KNTC1: variants seen among roughly 807,000 people sequenced by gnomAD.
KNTC1 encodes the protein kinetochore-associated protein 1.
Under a neutral mutation model 314.4 loss-of-function variants are expected in KNTC1, and 253 were observed. The ratio of observed to expected loss-of-function variants is 0.80; its 90% CI spans 0.73 to 0.89. KNTC1 has a LOEUF of 0.89. Ranked by LOEUF, KNTC1 falls within the 40% of genes least tolerant of loss-of-function variation. The pLI, the probability that KNTC1 is intolerant of heterozygous loss-of-function variation, is 0.00. For missense variants in KNTC1, 2,475 were observed against 2,572.9 expected (o/e 0.96, Z 0.82); for synonymous variants, 901 against 901.4 (o/e 1.00, Z 0.01).
At chr12:122,602,932 A>C (rs936899953) in intron 47 of KNTC1, 45 bp downstream of exon 47, 3 of 1,550,126 alleles carry the variant, frequency 1.9e-6, no homozygotes, top group African/African-American at 1.4e-5. Context: ...TCCTGCAATT[A>C]ATTCTGACCC....
Position 122,622,499 on chromosome 12 carries a change from A to T in KNTC1, c.6407A>T (p.Lys2136Met). Residue 2136 changes from lysine to methionine, a missense_variant, in exon 62 of 64, where the codon AAG becomes ATG. Physicochemically the swap from Lys to Met is moderately conservative, Grantham distance 95. Coordinates refer to ENST00000333479, the MANE Select transcript of KNTC1 (RefSeq NM_014708.6). Reference protein sequence around the residue: ...SLILNNIINKKEFGILAKTKY... With the variant: ...SLILNNIINKMEFGILAKTKY... ...ATTTTGAATAATATCATCAATAAGA[A>T]GGAGTTTGGGATTTTGGCAAAGACC... is the stretch of plus-strand genomic sequence containing the variant. The T allele has an allele frequency of 6.3e-7, 1 of 1,583,560 alleles. No homozygotes were observed. The highest frequency in any genetic ancestry group is 8.6e-7 in the Non-Finnish European group (1 of 1,162,668).
intron 3 of KNTC1, among the ~76,000 whole-genome samples, chr12:122,536,521 CTT>C (rs77728043): frequency 1.0e-4 from 14 of 140,436 alleles, no homozygotes; most frequent in Middle Eastern, 3.8e-3. Flanking sequence ...CGTGCCAGGC[CTT>C]TTTTTTTTTT....
chr12:122,577,356 T>C (rs564695730), intron 30 of KNTC1, among the ~76,000 whole-genome samples: 1 of 152,282 alleles, frequency 6.6e-6, no homozygotes, highest in South Asian at 2.1e-4. Context: ...TATTTTATTG[T>C]TTGCTGTCAT....
chr12:122,614,454 T>A (rs1873541027), intron 55 of KNTC1, among the ~76,000 whole-genome samples: 1 of 152,078 alleles, frequency 6.6e-6, no homozygotes, highest in Admixed American at 6.6e-5. Flanking sequence ...ACAGGCAAAC[T>A]TTTTCAATAG....
At chr12:122,565,929 A>G (rs888962631) in intron 20 of KNTC1, among the ~76,000 whole-genome samples, 1 of 150,894 alleles carries the variant, frequency 6.6e-6, no homozygotes, top group African/African-American at 2.4e-5. Context: ...TTTCATTTTT[A>G]GAGTTTCTTT....
At chr12:122,616,898 A>C (rs569622037) in intron 57 of KNTC1, among the ~76,000 whole-genome samples, 1 of 150,994 alleles carries the variant, frequency 6.6e-6, no homozygotes, top group African/African-American at 2.4e-5. Flanking sequence ...CCCATTCCCC[A>C]CTCCCTCCAG....
In KNTC1 at chr12:122,595,759, A is replaced by G. The variant is rs535102189; in HGVS notation, c.4355+1374A>G. Among the ~76,000 whole-genome samples the G allele has an allele frequency of 2.9e-4, 44 of 152,376 alleles. No individual in the cohort carries two copies. In the South Asian group the frequency reaches 7.9e-3, roughly 27 times the overall value. On this transcript the variant is annotated intron_variant, in intron 43 of 63. Coordinates refer to ENST00000333479, the MANE Select transcript of KNTC1 (RefSeq NM_014708.6). The stretch of plus-strand genomic sequence containing the variant: ...TTTTTTATTAATTTGAACTACTGCT[A>G]GATTCTTCTGTGATGTTTTATGGTG...
chr12:122,570,593 ATAAC>A (rs950500446), intron 22 of KNTC1, among the ~76,000 whole-genome samples: 1 of 152,074 alleles, frequency 6.6e-6, no homozygotes, highest in Non-Finnish European at 1.5e-5. Context: ...ATATTTAAAA[ATAAC>A]TAAAAGAGTG....
At chr12:122,568,570 C>T (rs938773651) in intron 21 of KNTC1, among the ~76,000 whole-genome samples, 198 bp downstream of exon 21, 5 of 152,252 alleles carry the variant, frequency 3.3e-5, no homozygotes, top group African/African-American at 1.2e-4. Context: ...GGCGCGATGG[C>T]TCACGCCTAT....
chr12:122,542,752 G>A (rs752517724), intron 6 of KNTC1, among the ~76,000 whole-genome samples: 8 of 150,628 alleles, frequency 5.3e-5, no homozygotes, highest in Non-Finnish European at 8.8e-5. Context: ...CAGCAAGAGC[G>A]AAACTCTGTC....
intron 18 of KNTC1, 80 bp from the exon 19 acceptor site, chr12:122,561,840 TG>T: frequency 8.4e-7 from 1 of 1,195,090 alleles, no homozygotes; most frequent in Non-Finnish European, 1.2e-6. Flanking sequence ...AAAAATTTTT[TG>T]TTATTTCACA....
At chr12:122,537,632 G>A (rs553616045) in intron 3 of KNTC1, among the ~76,000 whole-genome samples, 1 of 151,980 alleles carries the variant, frequency 6.6e-6, no homozygotes, top group Admixed American at 6.6e-5. Context: ...TGGCCAGGCT[G>A]GTCTCGAACT....
chr12:122,538,965 GGGTTGAA>G (rs1381247291), intron 4 of KNTC1, among the ~76,000 whole-genome samples: 2 of 152,234 alleles, frequency 1.3e-5, no homozygotes, highest in Non-Finnish European at 2.9e-5. Context: ...TGAAAGGCCA[GGGTTGAA>G]GTCCACCTTG....
chr12:122,547,869 G>T, intron 11 of KNTC1, 46 bp from the exon 12 acceptor site: 1 of 1,116,326 alleles, frequency 9.0e-7, no homozygotes, highest in Non-Finnish European at 1.3e-6. Context: ...TGTTTTTGTT[G>T]TGTAAAAGTT....
At chr12:122,551,569 T>C (rs374092245) in intron 15 of KNTC1, 46 bp downstream of exon 15, 1 of 1,602,000 alleles carries the variant, frequency 6.2e-7, no homozygotes, top group Non-Finnish European at 8.5e-7. Flanking sequence ...GTGAATAACT[T>C]AAATTCCCTG....
chr12:122,534,636 AT>A, intron 2 of KNTC1, 27 bp from the exon 3 acceptor site: 1 of 1,577,470 alleles, frequency 6.3e-7, no homozygotes, highest in Non-Finnish European at 8.6e-7. Flanking sequence ...AAATGTTTGA[AT>A]TTTCATCATG....
At chr12:122,599,580 ACCTCAGGTGATCTAC>A (rs1871555640) in intron 44 of KNTC1, among the ~76,000 whole-genome samples, 1 of 151,878 alleles carries the variant, frequency 6.6e-6, no homozygotes, top group South Asian at 2.1e-4. Context: ...TGAACTCCTG[ACCTCAGGTGATCTAC>A]CTGCCTCAGC....
intron 5 of KNTC1, among the ~76,000 whole-genome samples, chr12:122,541,287 G>GCCTGCCTTCCTTCCTGCCTTCCTT (rs758235054): frequency 8.3e-6 from 1 of 120,968 alleles, no homozygotes; most frequent in Non-Finnish European, 1.6e-5. Flanking sequence ...CTGCCTGCCT[G>GCCTGCCTTCCTTCCTGCCTTCCTT]CCTTCCTTCC....
At chr12:122,622,105 T>A in intron 61 of KNTC1, 135 bp downstream of exon 61, 1 of 733,624 alleles carries the variant, frequency 1.4e-6, no homozygotes, top group Non-Finnish European at 2.3e-6. Flanking sequence ...TTGCTTTTAC[T>A]AAAACCTCAG....
Sources: allele counts gnomAD v4.1 joint callset (sites outside exome capture counted in the v4.1 genomes callset), GRCh38; gene constraint gnomAD v4.1.1; transcripts MANE v1.5; gene names NCBI Gene and HGNC (gene_info 2026-07-23, HGNC 2026-07-21).